The following CACNA1C variants were observed in gnomAD, a reference collection of about 807,000 sequenced individuals.
The protein encoded by CACNA1C is voltage-dependent L-type calcium channel subunit alpha-1C.
Under a neutral mutation model 229.0 loss-of-function variants are expected in CACNA1C, and 30 were observed. The observed-to-expected ratio is 0.13, with a 90% confidence interval of 0.10 to 0.18. CACNA1C has a LOEUF of 0.18. Among genes scored for constraint, CACNA1C ranks in the 10% least tolerant of loss-of-function variants. The probability of loss-of-function intolerance (pLI) is 1.00; values close to 1 mark genes in which losing one functional copy is unlikely to be tolerated. For synonymous variants in CACNA1C, 1,114 were observed against 1,132.5 expected (o/e 0.98, Z 0.33); for missense variants, 1,658 against 2,845.0 (o/e 0.58, Z 9.49).
chr12:2,158,464 C>G (rs1245961591), intron 3 of CACNA1C, among the ~76,000 whole-genome samples: 1 of 152,006 alleles, frequency 6.6e-6, no homozygotes. Flanking sequence ...GTAGTCCCAG[C>G]TACTCAGGAG....
Position 2,597,220 on chromosome 12 carries a change from T to G in CACNA1C, c.2794-10T>G, listed in dbSNP as rs2068755022. The G allele has an allele frequency of 6.3e-7, 1 of 1,598,870 alleles. No individual in the cohort carries two copies. Among genetic ancestry groups the G allele is most frequent in the Non-Finnish European group, 8.6e-7 (1 of 1,166,218 alleles). On this transcript the variant is annotated splice_polypyrimidine_tract_variant and intron_variant, in intron 20 of 46. Coordinates refer to ENST00000399655, the MANE Select transcript of CACNA1C (RefSeq NM_000719.7). This position sits in a 1 kb window ranked among gnomAD's most constrained non-coding sequence, Gnocchi z 4.3. ...ATCCCATCCCCACCCTGTTCCTTTT[T>G]GTTTTGCAGATTCTGTTTTATTTTG...
intron 3 of CACNA1C, among the ~76,000 whole-genome samples, chr12:2,384,205 C>T (rs1308235979): frequency 1.3e-5 from 2 of 152,220 alleles, no homozygotes; most frequent in African/African-American, 4.8e-5. Context: ...TGCTCCTTGG[C>T]GGAGAATCGC....
chr12:2,028,552 A>G (rs1460476486), intron 1 of CACNA1C, among the ~76,000 whole-genome samples: 1 of 152,224 alleles, frequency 6.6e-6, no homozygotes, highest in Non-Finnish European at 1.5e-5. Context: ...CAGGACAAGC[A>G]TGGTCCTATC....
Position 2,110,787 on chromosome 12 carries a change from T to C in CACNA1C, c.50-4437T>C, listed in dbSNP as rs73603756. Among the ~76,000 whole-genome samples the C allele has an allele frequency of 7.4e-3, 1,121 of 152,336 alleles. 18 individuals are homozygous for C. The highest frequency in any genetic ancestry group is 0.025 in the African/African-American group (1,036 of 41,576). Reference sequence around the variant, plus strand: ...TTGGACAGCCTAGGATTATAGAACGTTTCCATTACTGTAAGCATTGTATTA... The same window carrying C: ...TTGGACAGCCTAGGATTATAGAACGCTTCCATTACTGTAAGCATTGTATTA... On this transcript the variant is annotated intron_variant, in intron 1 of 46. Coordinates refer to ENST00000399655, the MANE Select transcript of CACNA1C (RefSeq NM_000719.7).
intron 3 of CACNA1C, among the ~76,000 whole-genome samples, chr12:2,250,969 C>G (rs759221126): frequency 3.3e-5 from 5 of 152,230 alleles, no homozygotes; most frequent in Non-Finnish European, 7.3e-5. Flanking sequence ...ACTTCTACCA[C>G]ATCCTGCACT....
intron 9 of CACNA1C, among the ~76,000 whole-genome samples, chr12:2,532,511 G>A (rs12227580): frequency 0.057 from 8,686 of 152,284 alleles, 348 homozygotes; most frequent in African/African-American, 0.11. Flanking sequence ...CATCCAGGTA[G>A]TTGTTACTCT....
chr12:2,359,153 G>A (rs1006008118), intron 3 of CACNA1C, among the ~76,000 whole-genome samples: 1 of 152,200 alleles, frequency 6.6e-6, no homozygotes, highest in African/African-American at 2.4e-5. Context: ...AGGGGTCAGT[G>A]ATGACCCACC....
At chr12:2,270,821 G>C (rs190056421) in intron 3 of CACNA1C, among the ~76,000 whole-genome samples, 1 of 152,184 alleles carries the variant, frequency 6.6e-6, no homozygotes, top group East Asian at 1.9e-4. Flanking sequence ...CTCCACCTGC[G>C]GGGAGAGCAC....
intron 3 of CACNA1C, among the ~76,000 whole-genome samples, chr12:2,305,777 A>G (rs1265066593): frequency 6.6e-6 from 1 of 152,198 alleles, no homozygotes; most frequent in Non-Finnish European, 1.5e-5. Context: ...TAGAAAGTGG[A>G]GGCTGCAGTG....
chr12:2,583,181 C>T (rs1601038629), intron 15 of CACNA1C, among the ~76,000 whole-genome samples: 1 of 152,322 alleles, frequency 6.6e-6, no homozygotes, highest in South Asian at 2.1e-4. Context: ...GGGCTGTCGC[C>T]GTAATCTGGG....
chr12:2,358,245 G>A lies in CACNA1C; in HGVS notation c.478-90731G>A, dbSNP rs543706044. ...ACCAGGCTGGCCTAAAAGAAGCGGCGTCCTCCTGTGTGTGTGTGTGTGTGT... is the reference window on the plus strand; with the variant it reads ...ACCAGGCTGGCCTAAAAGAAGCGGCATCCTCCTGTGTGTGTGTGTGTGTGT... On this transcript the variant is annotated intron_variant, in intron 3 of 46. Transcript: ENST00000399655. Among the ~76,000 whole-genome samples, 7 of 145,256 alleles carry A rather than the reference G, an allele frequency of 4.8e-5. No homozygotes were observed. The East Asian group carries it at 1.2e-3, about 26-fold the overall frequency.
At chr12:2,142,433 AG>A (rs1177317771) in intron 3 of CACNA1C, among the ~76,000 whole-genome samples, 1 of 151,358 alleles carries the variant, frequency 6.6e-6, no homozygotes, top group Middle Eastern at 3.2e-3. Flanking sequence ...AGTACTGTAC[AG>A]TACACAATAC....
intron 11 of CACNA1C, among the ~76,000 whole-genome samples, chr12:2,559,272 TAATA>T (rs1304354893): frequency 3.3e-5 from 5 of 152,198 alleles, no homozygotes; most frequent in African/African-American, 7.2e-5. Flanking sequence ...AATCATAAAT[TAATA>T]AATGAATGAA....
intron 1 of CACNA1C, among the ~76,000 whole-genome samples, chr12:1,997,752 C>T (rs1232568677): frequency 9.9e-5 from 15 of 152,138 alleles, no homozygotes; most frequent in Admixed American, 1.3e-4. Flanking sequence ...GTATTCATCA[C>T]GATATACCAG....
chr12:2,546,881 A>T (rs2154591874), intron 9 of CACNA1C, among the ~76,000 whole-genome samples: 1 of 152,330 alleles, frequency 6.6e-6, no homozygotes, highest in African/African-American at 2.4e-5. Context: ...AGGAGCAAGT[A>T]GGTCGACCAG....
chr12:2,255,564 G>A (rs777387071), intron 3 of CACNA1C, among the ~76,000 whole-genome samples: 1 of 152,220 alleles, frequency 6.6e-6, no homozygotes, highest in Non-Finnish European at 1.5e-5. Flanking sequence ...AGCAGATGGG[G>A]CTGAGGCAGC....
At chr12:2,028,959 T>C (rs2047772352) in intron 1 of CACNA1C, among the ~76,000 whole-genome samples, 1 of 152,212 alleles carries the variant, frequency 6.6e-6, no homozygotes, top group Admixed American at 6.5e-5. Flanking sequence ...GCCTTCTGTG[T>C]TTGGCGCTGA....
chr12:2,679,741 C>G lies in CACNA1C; in HGVS notation c.5389C>G (p.Pro1797Ala), dbSNP rs776443164. The G allele has an allele frequency of 6.2e-7, 1 of 1,600,354 alleles. No individual in the cohort carries two copies. The highest frequency in any genetic ancestry group is 8.5e-7 in the Non-Finnish European group (1 of 1,173,072). The change falls in exon 42 of 47, where the codon CCC becomes GCC. Residue 1797 changes from proline to alanine, a missense_variant. By Grantham distance (27) the Pro-to-Ala change is conservative. Transcript: ENST00000399655. This position sits in a 1 kb window ranked among gnomAD's most constrained non-coding sequence, Gnocchi z 5.5. ...CAGCACTGTGGAGGGCCACGGGCCC[C>G]CCTTGTCCCCTGCCATCCGGGTGCA... ...TVSTVEGHGP[P>A]LSPAIRVQEV...
intron 1 of CACNA1C, among the ~76,000 whole-genome samples, chr12:1,977,712 T>C (rs1226971732): frequency 2.0e-5 from 3 of 152,218 alleles, no homozygotes; most frequent in African/African-American, 2.4e-5. Flanking sequence ...AATTAATTAA[T>C]GGTAACATAG....
Sources: allele counts gnomAD v4.1 joint callset (sites outside exome capture counted in the v4.1 genomes callset), GRCh38; gene constraint gnomAD v4.1.1; non-coding constraint Gnocchi (gnomAD v3.1); transcripts MANE v1.5; gene names NCBI Gene and HGNC (gene_info 2026-07-23, HGNC 2026-07-21).